NEK11: variants seen among roughly 807,000 people sequenced by gnomAD.
The protein encoded by NEK11 is NIMA related kinase 11, also known as serine/threonine-protein kinase Nek11.
In NEK11, 72 loss-of-function variants were observed where a neutral mutation model predicts 80.7. The ratio of observed to expected loss-of-function variants is 0.89; its 90% CI spans 0.74 to 1.08. The LOEUF is 1.08. Among genes scored for constraint, NEK11 ranks in the 50% least tolerant of loss-of-function variants. The pLI is 0.00. For synonymous variants in NEK11, 251 were observed against 260.7 expected, an observed-to-expected ratio of 0.96 and a Z score of 0.36; for missense variants, 764 against 763.6, an observed-to-expected ratio of 1.00 and a Z score of -0.01.
chr3:131,033,892 CTG>C (rs1326881023), intron 3 of NEK11, among the ~76,000 whole-genome samples: 2 of 152,120 alleles, frequency 1.3e-5, no homozygotes, highest in South Asian at 4.1e-4. Flanking sequence ...TAAAATTAAA[CTG>C]TTAAAATGTA....
intron 17 of NEK11, among the ~76,000 whole-genome samples, chr3:131,274,149 C>T: frequency 7.1e-6 from 1 of 140,922 alleles, no homozygotes. Flanking sequence ...TGATATTCCC[C>T]TTCCTGTGTC....
chr3:131,042,748 C>T (rs1021821933), intron 3 of NEK11, among the ~76,000 whole-genome samples: 12 of 152,182 alleles, frequency 7.9e-5, no homozygotes, highest in African/African-American at 2.9e-4. Context: ...CCCAGCACAG[C>T]ACTCGAGCTC....
chr3:131,068,546 C>CT (rs1466388885), intron 3 of NEK11, among the ~76,000 whole-genome samples: 5 of 151,988 alleles, frequency 3.3e-5, no homozygotes, highest in Non-Finnish European at 7.4e-5. Flanking sequence ...GCCCAAGCTT[C>CT]TTTTTTTTAG....
At chr3:131,104,033 G>A (rs1249645963) in intron 4 of NEK11, among the ~76,000 whole-genome samples, 1 of 152,236 alleles carries the variant, frequency 6.6e-6, no homozygotes, top group Non-Finnish European at 1.5e-5. Flanking sequence ...TGGGGCAGCT[G>A]TGCTGTGGGC....
At chr3:131,320,706 C>T (rs2096888679) in intron 17 of NEK11, among the ~76,000 whole-genome samples, 1 of 152,008 alleles carries the variant, frequency 6.6e-6, no homozygotes, top group South Asian at 2.1e-4. Flanking sequence ...ATAAGAATGT[C>T]AGAATTCTAT....
chr3:131,273,822 C>T (rs1167569189), intron 17 of NEK11, among the ~76,000 whole-genome samples: 2 of 152,074 alleles, frequency 1.3e-5, no homozygotes, highest in African/African-American at 2.4e-5. Context: ...ATTCTTGCAG[C>T]ACAGCACATT....
intron 16 of NEK11, among the ~76,000 whole-genome samples, chr3:131,273,121 G>A (rs930810618): frequency 1.3e-5 from 2 of 152,172 alleles, no homozygotes; most frequent in African/African-American, 2.4e-5. Flanking sequence ...ATCCACACCT[G>A]CTGAAAGAGA....
chr3:131,128,634 G>A (rs537812027), intron 5 of NEK11, among the ~76,000 whole-genome samples: 3 of 152,346 alleles, frequency 2.0e-5, no homozygotes, highest in East Asian at 1.9e-4. Flanking sequence ...GCAGGTTTTT[G>A]TGTGGACATA....
intron 17 of NEK11, among the ~76,000 whole-genome samples, chr3:131,303,239 TC>T (rs1477652576): frequency 5.3e-5 from 8 of 152,184 alleles, no homozygotes; most frequent in Non-Finnish European, 8.8e-5. Context: ...GTGAGATGGG[TC>T]TTTTGAAGAC....
intron 17 of NEK11, among the ~76,000 whole-genome samples, chr3:131,332,600 G>C (rs1485252044): frequency 6.6e-6 from 1 of 152,220 alleles, no homozygotes; most frequent in Non-Finnish European, 1.5e-5. Flanking sequence ...ACCAGCAACG[G>C]AACAAAGCTG....
chr3:131,293,428 G>A (rs1184347050), intron 17 of NEK11, among the ~76,000 whole-genome samples: 4 of 152,078 alleles, frequency 2.6e-5, no homozygotes, highest in African/African-American at 7.2e-5. Flanking sequence ...CTCACTTAGA[G>A]GGGATAAATC....
chr3:131,041,084 G>T (rs1355504108), intron 3 of NEK11, among the ~76,000 whole-genome samples: 2 of 152,170 alleles, frequency 1.3e-5, no homozygotes, highest in Non-Finnish European at 2.9e-5. Flanking sequence ...TGAGTTTGGG[G>T]ATAATATCGG....
At chr3:131,344,254 G>T (rs936804064) in intron 17 of NEK11, among the ~76,000 whole-genome samples, 1 of 152,134 alleles carries the variant, frequency 6.6e-6, no homozygotes, top group Admixed American at 6.5e-5. Context: ...GATCCCTAGG[G>T]CATAGACAGA....
At chr3:131,170,739 A>T in intron 13 of NEK11, 34 bp from the exon 14 acceptor site, 1 of 1,291,732 alleles carries the variant, frequency 7.7e-7, no homozygotes. Context: ...TCCTTCTATC[A>T]GCATCTCATG....
In NEK11 at chr3:131,174,824, T is replaced by C. The variant is rs750554711; in HGVS notation, c.1399+3937T>C. The C allele has an allele frequency of 7.5e-6, 12 of 1,606,814 alleles. No homozygotes were observed. The Admixed American group carries it at 1.5e-4, about 20-fold the overall frequency. On this transcript the variant is annotated intron_variant, in intron 14 of 17. Coordinates refer to ENST00000383366, the MANE Select transcript of NEK11 (RefSeq NM_024800.5). ...TTCCAAAGCTGGAATAGCCTGAGAC[T>C]CTAGGGCCTGGGTCTACAAGGAGCA...
chr3:131,339,535 G>A (rs777884281), intron 17 of NEK11, among the ~76,000 whole-genome samples: 24 of 152,210 alleles, frequency 1.6e-4, no homozygotes, highest in Admixed American at 2.6e-4. Flanking sequence ...GCTAACAGCT[G>A]CTTTGAGAAG....
At chr3:131,131,531 T>C (rs1433315266) in intron 5 of NEK11, among the ~76,000 whole-genome samples, 1 of 152,186 alleles carries the variant, frequency 6.6e-6, no homozygotes, top group Non-Finnish European at 1.5e-5. Context: ...TGCTTTTTTA[T>C]TCTTTTAATG....
chr3:131,181,385 C>T (rs1228904029), intron 14 of NEK11, among the ~76,000 whole-genome samples: 3 of 152,154 alleles, frequency 2.0e-5, no homozygotes, highest in East Asian at 1.9e-4. Context: ...AAGGAAGGCA[C>T]CCTGCCAACA....
intron 17 of NEK11, among the ~76,000 whole-genome samples, chr3:131,343,643 G>C (rs2110445921): frequency 6.6e-6 from 1 of 152,302 alleles, no homozygotes; most frequent in Non-Finnish European, 1.5e-5. Flanking sequence ...ATGCTTCCAA[G>C]CCACTTTCAC....
Sources: gnomAD v4.1 joint callset for allele counts (sites outside exome capture counted in the v4.1 genomes callset) on GRCh38, gnomAD v4.1.1 for gene constraint, MANE v1.5 for transcripts, NCBI Gene and HGNC (gene_info 2026-07-23, HGNC 2026-07-21) for gene names.